Variants in CGN observed in about 807,000 individuals in gnomAD.
CGN encodes the protein cingulin.
CGN carries 121 observed loss-of-function variants against 157.1 expected under a neutral mutation model. The observed-to-expected ratio is 0.77, with a 90% CI of 0.66 to 0.90. CGN has a LOEUF of 0.90. Ranked by LOEUF, CGN falls within the 40% of genes least tolerant of loss-of-function variation. The pLI is 0.00. For missense variants in CGN, 1,424 were observed against 1,520.9 expected (o/e 0.94, Z 1.06); for synonymous variants, 535 against 607.5 (o/e 0.88, Z 1.76).
chr1:151,537,149 C>T (rs1664985922), intron 20 of CGN, 56 bp from the exon 21 acceptor site: 2 of 1,553,296 alleles, frequency 1.3e-6, no homozygotes, highest in Non-Finnish European at 1.7e-6. Context: ...AAAAGGGTGG[C>T]TGTCTTAATA....
chr1:151,523,712 T>C, intron 6 of CGN, 151 bp downstream of exon 6: 1 of 718,028 alleles, frequency 1.4e-6, no homozygotes, highest in Non-Finnish European at 2.2e-6. Flanking sequence ...GGATAGGGCC[T>C]TTCTCTCTAC....
chr1:151,534,976 C>T (rs1664924323), intron 15 of CGN, 66 bp from the exon 16 acceptor site: 3 of 1,140,856 alleles, frequency 2.6e-6, no homozygotes, highest in Non-Finnish European at 4.0e-6. Context: ...TTGAGAGGCT[C>T]CTGGTCTGAG....
chr1:151,535,316 A>G (rs148286841), intron 16 of CGN, among the ~76,000 whole-genome samples, 185 bp downstream of exon 16: 2 of 152,242 alleles, frequency 1.3e-5, no homozygotes, highest in East Asian at 1.9e-4. Flanking sequence ...AAAGAAGCCA[A>G]TGATTTGCAT....
rs1557995294 is a variant in CGN, at chr1:151,537,549, C to T, written c.*203C>T. 1.2e-5 allele frequency: 6 copies of T among 498,456 alleles called. No individual in the cohort carries two copies. The highest frequency in any genetic ancestry group is 3.7e-5 in the Admixed American group (1 of 27,396). The allele number at this position is 498,456 out of a possible 1,614,324, so 30.9% of individuals were successfully genotyped here. A position where few individuals can be genotyped will look rare whatever the true frequency, so the allele number is the denominator to read the frequency against. Reference sequence around the variant, plus strand: ...ATGGACTTTCCACTGTAGGAGTGGACATTTCAAGCCAACTGAGCCTTTTCC... The same window carrying T: ...ATGGACTTTCCACTGTAGGAGTGGATATTTCAAGCCAACTGAGCCTTTTCC... On this transcript the variant is annotated 3_prime_UTR_variant, in exon 21 of 21. Transcript: ENST00000271636.
chr1:151,510,505 G>A (rs542150240), upstream of CGN: 4 of 152,300 alleles, frequency 2.6e-5, no homozygotes, highest in Non-Finnish European at 5.9e-5. Context: ...CTCTTTTCTA[G>A]GAACTGGGAT....
intron 1 of CGN, among the ~76,000 whole-genome samples, chr1:151,517,376 T>C (rs1014822741): frequency 1.3e-5 from 2 of 152,268 alleles, no homozygotes; most frequent in African/African-American, 4.8e-5. Flanking sequence ...ATGATATACT[T>C]TGAGGTCTTC....
Position 151,536,351 on chromosome 1 carries a change from G to A in CGN, c.3306+6G>A. 3 of 1,541,612 alleles carry A rather than the reference G, an allele frequency of 1.9e-6. No individual in the cohort carries two copies. Among genetic ancestry groups the A allele is most frequent in the Non-Finnish European group, 1.8e-6 (2 of 1,113,972 alleles). On this transcript the variant is annotated splice_donor_region_variant and intron_variant, in intron 19 of 20. Transcript: ENST00000271636. ...TCAATGACCAGAAAGACCAGGTGAG[G>A]ACATGGCACCCTGGAGCCAAGCAAC...
intron 20 of CGN, 85 bp downstream of exon 20, chr1:151,536,978 ATCTC>A: frequency 2.8e-6 from 4 of 1,433,116 alleles, no homozygotes; most frequent in Non-Finnish European, 3.8e-6. Context: ...AAGGAGGAGA[ATCTC>A]TAACATGGTA....
chr1:151,528,867 A>C (rs146644285), intron 10 of CGN, among the ~76,000 whole-genome samples: 71 of 152,228 alleles, frequency 4.7e-4, no homozygotes, highest in African/African-American at 1.5e-3. Flanking sequence ...GGATTTACCT[A>C]TTCTGGATAT....
Position 151,530,524 on chromosome 1 carries a change from G to A in CGN, c.2349G>A (p.Ala783=), listed in dbSNP as rs201221356. ...EKQQLEEALN[A]SQEEEGSLAA... is the part of the protein sequence containing the mutation. ...AGCAGCTGGAGGAGGCCCTGAATGCGTCCCAGGAAGAGGAGGGGAGTCTGG... is the reference window on the plus strand; with the variant it reads ...AGCAGCTGGAGGAGGCCCTGAATGCATCCCAGGAAGAGGAGGGGAGTCTGG... Residue 783 remains alanine, a synonymous_variant, in exon 13 of 21, where the codon GCG becomes GCA. Coordinates refer to ENST00000271636, the MANE Select transcript of CGN (RefSeq NM_020770.3). 179 of 1,603,004 alleles carry A rather than the reference G, an allele frequency of 1.1e-4. No homozygotes were observed. Among genetic ancestry groups the A allele is most frequent in the Middle Eastern group, 5.0e-4 (3 of 6,024 alleles).
intron 13 of CGN, 68 bp from the exon 14 acceptor site, chr1:151,532,334 C>A: frequency 7.9e-7 from 1 of 1,263,744 alleles, no homozygotes; most frequent in Non-Finnish European, 1.1e-6. Flanking sequence ...AGGGGAGAGT[C>A]TTGGGAGTCT....
chr1:151,512,526 G>A (rs1208399910), intron 1 of CGN, among the ~76,000 whole-genome samples: 1 of 152,188 alleles, frequency 6.6e-6, no homozygotes, highest in East Asian at 1.9e-4. Context: ...GGACTCATCA[G>A]GAGACCACGA....
At position 151,524,154 on chromosome 1, in the gene CGN, A is replaced by G; in HGVS notation, c.1269-72A>G. 7.4e-7 allele frequency: 1 copy of G among 1,342,306 alleles called. No homozygotes were observed. The highest frequency in any genetic ancestry group is 2.5e-5 in the East Asian group (1 of 39,774). The allele number at this position is 1,342,306 out of a possible 1,614,324, so 83.1% of individuals were successfully genotyped here. On this transcript the variant is annotated intron_variant, in intron 6 of 20. Coordinates refer to ENST00000271636, the MANE Select transcript of CGN (RefSeq NM_020770.3). The surrounding 1 kb of genome is among the most constrained non-coding windows in gnomAD (Gnocchi z 4.4). ...AGGAAGTTTAAATGCATTAATAAATATGAATTAAAATATATGATGCGTTTA... is the reference window on the plus strand; with the variant it reads ...AGGAAGTTTAAATGCATTAATAAATGTGAATTAAAATATATGATGCGTTTA...
intron 2 of CGN, 52 bp from the exon 3 acceptor site, chr1:151,520,114 T>G: frequency 7.0e-7 from 1 of 1,430,678 alleles, no homozygotes; most frequent in Non-Finnish European, 9.6e-7. Flanking sequence ...GGCCTAATCT[T>G]CCTATTTCTT....
At chr1:151,513,495 C>T (rs372847108) in intron 1 of CGN, among the ~76,000 whole-genome samples, 9 of 152,296 alleles carry the variant, frequency 5.9e-5, no homozygotes, top group South Asian at 4.1e-4. Context: ...TTTTCTATTT[C>T]GACCATTTGC....
At chr1:151,528,249 AGT>A (rs1462299046) in intron 10 of CGN, among the ~76,000 whole-genome samples, 2 of 151,928 alleles carry the variant, frequency 1.3e-5, no homozygotes, top group East Asian at 3.9e-4. Flanking sequence ...GGCCTCCCAA[AGT>A]GCCGGGATTA....
chr1:151,521,287 T>G (rs1304458205), intron 5 of CGN, among the ~76,000 whole-genome samples: 2 of 152,158 alleles, frequency 1.3e-5, no homozygotes, highest in African/African-American at 4.8e-5. Flanking sequence ...TTGTGTGTAG[T>G]TGGTGCTCAA....
At chr1:151,530,775 G>C in intron 13 of CGN, 29 bp downstream of exon 13, 1 of 1,550,420 alleles carries the variant, frequency 6.4e-7, no homozygotes, top group East Asian at 2.4e-5. Context: ...TGGGCCTTTA[G>C]GAAGAGGCCC....
chr1:151,521,881 G>A (rs1427086782), intron 5 of CGN, among the ~76,000 whole-genome samples: 1 of 152,062 alleles, frequency 6.6e-6, no homozygotes, highest in African/African-American at 2.4e-5. Flanking sequence ...AAGAACCTGG[G>A]ATCAGCTTAA....
Sources: gnomAD v4.1 joint callset for allele counts (sites outside exome capture counted in the v4.1 genomes callset) on GRCh38, gnomAD v4.1.1 for gene constraint, Gnocchi (gnomAD v3.1) non-coding constraint, MANE v1.5 for transcripts, NCBI Gene and HGNC (gene_info 2026-07-23, HGNC 2026-07-21) for gene names.